Variants in LPAR1 observed in about 807,000 individuals in gnomAD.
The protein encoded by LPAR1 is LPA receptor 1.
A neutral mutation model predicts 23.8 loss-of-function variants in LPAR1; 5 were observed. The ratio of observed to expected loss-of-function variants is 0.21; its 90% CI spans 0.11 to 0.44. The LOEUF (loss-of-function observed/expected upper bound fraction) is 0.44, where lower values mean the gene tolerates loss of function less well. LPAR1 is among the 20% of genes least tolerant of loss of function. LPAR1 has a pLI of 0.99. For missense variants in LPAR1, 311 were observed against 482.8 expected (o/e 0.64, Z 3.33); for synonymous variants, 160 against 164.7 (o/e 0.97, Z 0.22).
chr9:110,964,631 T>C (rs972293972), intron 4 of LPAR1, among the ~76,000 whole-genome samples: 1 of 151,392 alleles, frequency 6.6e-6, no homozygotes, highest in South Asian at 2.1e-4. Context: ...AAAACTGCCA[T>C]AGTACAAAGT....
At position 110,882,368 on chromosome 9, in the gene LPAR1, C is replaced by T. The variant is rs145957815; in HGVS notation, c.794-6646G>A. On this transcript the variant is annotated intron_variant, in intron 5 of 5. Transcript: ENST00000683809. ...TGAATTAGCAAGTCATAGCTAAGCG[C>T]CTAGTACATATATCCCAAACAAGAA... Among the ~76,000 whole-genome samples the T allele has an allele frequency of 6.7e-3, 1,023 of 152,170 alleles. 6 individuals are homozygous for T. The highest frequency in any genetic ancestry group is 9.5e-3 in the Non-Finnish European group (645 of 68,014).
At chr9:111,008,837 T>C (rs2097270315) in intron 2 of LPAR1, among the ~76,000 whole-genome samples, 1 of 152,136 alleles carries the variant, frequency 6.6e-6, no homozygotes, top group Non-Finnish European at 1.5e-5. Context: ...GTGCCTTTAA[T>C]GCATCAAACA....
At chr9:110,981,540 T>C (rs547502887) in intron 2 of LPAR1, among the ~76,000 whole-genome samples, 3 of 152,190 alleles carry the variant, frequency 2.0e-5, no homozygotes, top group African/African-American at 4.8e-5. Flanking sequence ...TATCTACCTA[T>C]ACATTTTTAA....
chr9:110,943,361 G>C (rs1240109531), intron 4 of LPAR1, among the ~76,000 whole-genome samples: 2 of 151,616 alleles, frequency 1.3e-5, no homozygotes, highest in African/African-American at 4.8e-5. Flanking sequence ...CACTATTTTT[G>C]ATCAAATATT....
intron 4 of LPAR1, among the ~76,000 whole-genome samples, chr9:110,959,204 C>G (rs551054312): frequency 4.2e-4 from 57 of 136,562 alleles, no homozygotes; most frequent in Non-Finnish European, 6.2e-4. Context: ...ACCAGACATT[C>G]CATATGATCT....
chr9:110,931,742 C>T (rs1478556139), intron 5 of LPAR1, among the ~76,000 whole-genome samples: 4 of 152,250 alleles, frequency 2.6e-5, no homozygotes, highest in Non-Finnish European at 5.9e-5. Context: ...CTACATATGG[C>T]TAGCCAGTTT....
In LPAR1 at chr9:110,934,765, A is replaced by G. The variant is rs55837469; in HGVS notation, c.793+6656T>C. Among the ~76,000 whole-genome samples the G allele has an allele frequency of 7.4e-3, 1,128 of 152,176 alleles. 17 individuals carry two copies. Among genetic ancestry groups the G allele is most frequent in the African/African-American group, 0.025 (1,055 of 41,498 alleles). ...CAGAATCATCCAGATAGTTCTTGTCAAAGAGTAGATTCCAGAGGTGCCCTG... is the reference window on the plus strand; with the variant it reads ...CAGAATCATCCAGATAGTTCTTGTCGAAGAGTAGATTCCAGAGGTGCCCTG... On this transcript the variant is annotated intron_variant, in intron 5 of 5. Transcript: ENST00000683809.
chr9:110,896,824 G>A (rs941053730), intron 5 of LPAR1, among the ~76,000 whole-genome samples: 3 of 127,276 alleles, frequency 2.4e-5, no homozygotes. Context: ...GTCTTGCTCT[G>A]TTGCCCAGGC....
intron 2 of LPAR1, among the ~76,000 whole-genome samples, chr9:110,975,584 A>T (rs1001548332): frequency 6.6e-6 from 1 of 152,254 alleles, no homozygotes; most frequent in Non-Finnish European, 1.5e-5. Context: ...ATCAAAGATT[A>T]AAAAGAGATG....
intron 2 of LPAR1, among the ~76,000 whole-genome samples, chr9:111,002,205 C>A (rs376190971): frequency 6.6e-6 from 1 of 152,114 alleles, no homozygotes. Flanking sequence ...ATAACAACTA[C>A]GCAGGAACAT....
rs927375260 is a variant in LPAR1 at position 111,038,221 on chromosome 9, G to C, written c.-316C>G. The C allele has an allele frequency of 1.3e-5, 2 of 148,952 alleles. No homozygotes were observed. Among genetic ancestry groups the C allele is most frequent in the African/African-American group, 4.9e-5 (2 of 41,090 alleles). The allele number at this position is 148,952 out of a possible 1,614,324, so 9.2% of individuals were successfully genotyped here. ...CCTGCCGCCCCCGGGCTGGCTTCAG[G>C]CCGCGCGCCCAGTCCCGGCGGCCCC... On this transcript the variant is annotated 5_prime_UTR_variant, in exon 1 of 6. Transcript: ENST00000683809. The surrounding 1 kb of genome is among the most constrained non-coding windows in gnomAD (Gnocchi z 4.4).
At chr9:110,889,654 C>T (rs1269332751) in intron 5 of LPAR1, among the ~76,000 whole-genome samples, 1 of 152,194 alleles carries the variant, frequency 6.6e-6, no homozygotes, top group African/African-American at 2.4e-5. Context: ...GAGTTTACAA[C>T]TGTTAATAAC....
At chr9:110,880,032 C>T (rs985502752) in intron 5 of LPAR1, among the ~76,000 whole-genome samples, 1 of 152,184 alleles carries the variant, frequency 6.6e-6, no homozygotes, top group African/African-American at 2.4e-5. Flanking sequence ...GCCTTAATTA[C>T]ATCTAAATAG....
rs1465147934 is a variant in LPAR1 at position 110,875,069 on chromosome 9, A to C, written c.*352T>G. 5.7e-6 allele frequency: 1 copy of C among 174,894 alleles called. No homozygotes were observed. 10.8% of individuals were successfully genotyped at this position (174,894 alleles called of 1,614,324 possible). A position where few individuals can be genotyped will look rare whatever the true frequency, so the allele number is the denominator to read the frequency against. ...TGTATATAAATGAAGTTGTGGATTC[A>C]ACTAGCCAGAATTTATTCTGACTTG... On this transcript the variant is annotated 3_prime_UTR_variant, in exon 6 of 6. Coordinates refer to ENST00000683809, the MANE Select transcript of LPAR1 (RefSeq NM_001351411.2).
At chr9:111,022,699 T>C (rs1040474696) in intron 2 of LPAR1, among the ~76,000 whole-genome samples, 3 of 152,114 alleles carry the variant, frequency 2.0e-5, no homozygotes, top group African/African-American at 4.8e-5. Context: ...CCAAATCTAT[T>C]TCTCCTGCAT....
At position 110,947,985 on chromosome 9, in the gene LPAR1, G is replaced by A. The variant is rs115269938; in HGVS notation, c.46-5817C>T. On this transcript the variant is annotated intron_variant, in intron 4 of 5. Transcript: ENST00000683809. ...AAAATACAATAGAGTGAGCCGGGGC[G>A]GGGGCCTGATTTGTAGCTTTGGTTT... 6.9e-3 allele frequency among the ~76,000 whole-genome samples: 1,047 copies of A among 152,232 alleles called. 14 individuals carry two copies. The highest frequency in any genetic ancestry group is 0.024 in the African/African-American group (990 of 41,510).
chr9:110,983,373 T>C (rs868093830), intron 2 of LPAR1, among the ~76,000 whole-genome samples: 6 of 152,172 alleles, frequency 3.9e-5, no homozygotes, highest in Middle Eastern at 6.8e-3. Flanking sequence ...GGATGAACCC[T>C]GAAGACATTA....
chr9:110,926,543 C>T (rs2094047320), intron 5 of LPAR1, among the ~76,000 whole-genome samples: 1 of 152,166 alleles, frequency 6.6e-6, no homozygotes, highest in South Asian at 2.1e-4. Context: ...GATTTTCAGA[C>T]ATTAATTTAC....
chr9:110,983,300 T>C (rs183616349), intron 2 of LPAR1, among the ~76,000 whole-genome samples: 1 of 152,208 alleles, frequency 6.6e-6, no homozygotes, highest in East Asian at 1.9e-4. Context: ...ACTAAATTGG[T>C]ATATACATAC....
Sources: allele counts gnomAD v4.1 joint callset (sites outside exome capture counted in the v4.1 genomes callset), GRCh38; gene constraint gnomAD v4.1.1; non-coding constraint Gnocchi (gnomAD v3.1); transcripts MANE v1.5; gene names NCBI Gene and HGNC (gene_info 2026-07-23, HGNC 2026-07-21).